The following TMEM132D variants were observed in gnomAD, a reference collection of about 807,000 sequenced individuals.
TMEM132D encodes transmembrane protein 132D, also known as mature OL transmembrane protein.
TMEM132D carries 21 observed loss-of-function variants against 62.3 expected under a neutral mutation model. That is an observed-to-expected ratio of 0.34 (90% CI 0.24 to 0.49). The LOEUF (loss-of-function observed/expected upper bound fraction) is 0.49. Ranked by LOEUF, TMEM132D falls within the 20% of genes least tolerant of loss-of-function variation. The probability of loss-of-function intolerance (pLI) is 0.99; values close to 1 mark genes in which losing one functional copy is unlikely to be tolerated. For missense variants in TMEM132D, 1,346 were observed against 1,402.8 expected, an observed-to-expected ratio of 0.96 and a Z score of 0.65; for synonymous variants, 621 against 575.6, an observed-to-expected ratio of 1.08 and a Z score of -1.13.
At chr12:129,206,401 G>A (rs893195804) in intron 5 of TMEM132D, among the ~76,000 whole-genome samples, 4 of 152,158 alleles carry the variant, frequency 2.6e-5, no homozygotes, top group Non-Finnish European at 4.4e-5. Flanking sequence ...ACCACAATGA[G>A]ATACCATCTC....
At chr12:129,147,020 C>G (rs980987680) in intron 5 of TMEM132D, among the ~76,000 whole-genome samples, 3 of 151,968 alleles carry the variant, frequency 2.0e-5, no homozygotes, top group African/African-American at 7.3e-5. Context: ...AGAAAACTCA[C>G]GTGAAAATGA....
At chr12:129,380,779 C>T (rs10744413) in intron 3 of TMEM132D, among the ~76,000 whole-genome samples, 150,306 of 152,252 alleles carry the variant, frequency 0.99, 74,216 homozygotes, top group East Asian at 1. Flanking sequence ...CTCTAAAACT[C>T]CACCCCATTT....
intron 2 of TMEM132D, chr12:129,698,295 G>T (rs1345712328): frequency 4.6e-5 from 7 of 151,580 alleles, no homozygotes; most frequent in Non-Finnish European, 1.0e-4. Flanking sequence ...CTAAATCCCT[G>T]CGGCTATTCC....
At chr12:129,315,217 G>T (rs1288582046) in intron 4 of TMEM132D, among the ~76,000 whole-genome samples, 1 of 152,108 alleles carries the variant, frequency 6.6e-6, no homozygotes, top group Admixed American at 6.5e-5. Context: ...TCCTTGTCTT[G>T]TTCCACTTCT....
At chr12:129,825,403 C>A (rs985302817) in intron 1 of TMEM132D, among the ~76,000 whole-genome samples, 1 of 152,180 alleles carries the variant, frequency 6.6e-6, no homozygotes, top group Non-Finnish European at 1.5e-5. Flanking sequence ...GCAGTGCACT[C>A]TGCTGCCTCC....
At chr12:129,188,849 G>T (rs1343655353) in intron 5 of TMEM132D, among the ~76,000 whole-genome samples, 8 of 151,910 alleles carry the variant, frequency 5.3e-5, no homozygotes, top group African/African-American at 1.9e-4. Context: ...TGAAAGTGTT[G>T]TTAGGTACTA....
chr12:129,815,621 G>A, intron 1 of TMEM132D, among the ~76,000 whole-genome samples: 1 of 152,162 alleles, frequency 6.6e-6, no homozygotes, highest in East Asian at 1.9e-4. Context: ...TGCAACAGAT[G>A]TCAAGGACTT....
chr12:129,822,046 G>A (rs1872553172), intron 1 of TMEM132D, among the ~76,000 whole-genome samples: 1 of 152,144 alleles, frequency 6.6e-6, no homozygotes, highest in Admixed American at 6.5e-5. Flanking sequence ...AATTCACTGG[G>A]GGGTGACAGG....
chr12:129,083,519 A>C (rs1874518358), intron 6 of TMEM132D, among the ~76,000 whole-genome samples: 1 of 152,102 alleles, frequency 6.6e-6, no homozygotes, highest in Non-Finnish European at 1.5e-5. Flanking sequence ...AACCCCAGAG[A>C]CTGAGAAAGA....
intron 2 of TMEM132D, among the ~76,000 whole-genome samples, chr12:129,689,754 T>C (rs946859031): frequency 6.6e-6 from 1 of 152,246 alleles, no homozygotes; most frequent in East Asian, 1.9e-4. Context: ...CAAATCATGT[T>C]TCTGTAACTT....
intron 1 of TMEM132D, among the ~76,000 whole-genome samples, chr12:129,711,320 C>T (rs1881637602): frequency 6.6e-6 from 1 of 152,196 alleles, no homozygotes; most frequent in Admixed American, 6.5e-5. Context: ...GCTCTTGGCT[C>T]TATGTGATAA....
rs1414218379 is a variant in TMEM132D at position 129,686,841 on chromosome 12, C to A, written c.968+12969G>T. On this transcript the variant is annotated intron_variant, in intron 2 of 8. Transcript: ENST00000422113. ...AAATACTTGAAGATGAGGGTTGAGA[C>A]CCTGCTTCCCACAGGACCCCATCAA... is the stretch of plus-strand genomic sequence containing the variant. Among the ~76,000 whole-genome samples, 4 of 152,264 alleles carry A rather than the reference C, an allele frequency of 2.6e-5. No individual in the cohort carries two copies. The East Asian group carries it at 7.8e-4, about 30-fold the overall frequency.
chr12:129,409,870 A>G (rs1170265576), intron 3 of TMEM132D, among the ~76,000 whole-genome samples: 2 of 152,216 alleles, frequency 1.3e-5, no homozygotes, highest in Non-Finnish European at 2.9e-5. Context: ...AAGCTGTTCC[A>G]TGTCTGCACA....
intron 3 of TMEM132D, among the ~76,000 whole-genome samples, chr12:129,357,793 T>C (rs1870122153): frequency 6.6e-6 from 1 of 152,254 alleles, no homozygotes; most frequent in South Asian, 2.1e-4. Flanking sequence ...TCGTCGGCAA[T>C]GGCACTTTGG....
rs115703680 is a variant in TMEM132D, at chr12:129,296,519, G to A, written c.1299+41115C>T. Among the ~76,000 whole-genome samples, 316 of 152,308 alleles carry A rather than the reference G, an allele frequency of 2.1e-3. 1 individual carries two copies. The highest frequency in any genetic ancestry group is 6.8e-3 in the African/African-American group (284 of 41,566). ...TGCTCTTCCTGATCAGCAGACAAGT[G>A]TCGGCAGCTTCTGAACCCTATTCCT... is the stretch of plus-strand genomic sequence containing the variant. On this transcript the variant is annotated intron_variant, in intron 4 of 8. Transcript: ENST00000422113.
At chr12:129,207,332 G>A (rs548324687) in intron 5 of TMEM132D, among the ~76,000 whole-genome samples, 1 of 151,892 alleles carries the variant, frequency 6.6e-6, no homozygotes, top group African/African-American at 2.4e-5. Flanking sequence ...CAGAGCTTAG[G>A]TTCCAACGAG....
Position 129,722,586 on chromosome 12 carries a change from C to T in TMEM132D, c.80-21888G>A, listed in dbSNP as rs112042143. ...TCCCAGTTGTGTTAGGTGTAACTGG[C>T]TTCTATCCAGGCTCCGTCGGCCTTT... On this transcript the variant is annotated intron_variant, in intron 1 of 8. Coordinates refer to ENST00000422113, the MANE Select transcript of TMEM132D (RefSeq NM_133448.3). 6.2e-4 allele frequency among the ~76,000 whole-genome samples: 95 copies of T among 152,220 alleles called. 1 individual carries two copies. Among genetic ancestry groups the T allele is most frequent in the Middle Eastern group, 3.4e-3 (1 of 294 alleles).
At position 129,679,244 on chromosome 12, in the gene TMEM132D, C is replaced by G. The variant is rs912514808; in HGVS notation, c.968+20566G>C. On this transcript the variant is annotated intron_variant, in intron 2 of 8. Transcript: ENST00000422113. ...ATCCCTGAACATGGTATATCCATTTCTTTAATTTTTTGTGAATGTTTATTC... is the reference window on the plus strand; with the variant it reads ...ATCCCTGAACATGGTATATCCATTTGTTTAATTTTTTGTGAATGTTTATTC... 3.4e-4 allele frequency among the ~76,000 whole-genome samples: 52 copies of G among 151,954 alleles called. 1 individual carries two copies. Among genetic ancestry groups the G allele is most frequent in the African/African-American group, 1.2e-3 (48 of 41,508 alleles).
chr12:129,470,551 A>T (rs1466433664), intron 3 of TMEM132D, among the ~76,000 whole-genome samples: 2 of 152,126 alleles, frequency 1.3e-5, no homozygotes, highest in African/African-American at 4.8e-5. Flanking sequence ...CTTATTTTTC[A>T]GGTGAGGACA....
Sources: gnomAD v4.1 joint callset for allele counts (sites outside exome capture counted in the v4.1 genomes callset) on GRCh38, gnomAD v4.1.1 for gene constraint, MANE v1.5 for transcripts, NCBI Gene and HGNC (gene_info 2026-07-23, HGNC 2026-07-21) for gene names.